The following HDAC4 variants were observed in gnomAD, a reference collection of about 807,000 sequenced individuals.
The protein encoded by HDAC4 is histone deacetylase A.
HDAC4 carries 16 observed loss-of-function variants against 135.1 expected under a neutral mutation model. The observed-to-expected ratio is 0.12, with a 90% CI of 0.08 to 0.18. The LOEUF is 0.18. Among genes scored for constraint, HDAC4 ranks in the 10% least tolerant of loss-of-function variants. The pLI is 1.00. For synonymous variants in HDAC4, 685 were observed against 653.4 expected (o/e 1.05, Z -0.74); for missense variants, 1,143 against 1,511.8 (o/e 0.76, Z 4.05).
chr2:239,174,340 G>A (rs1021235404), intron 5 of HDAC4, among the ~76,000 whole-genome samples: 1 of 152,148 alleles, frequency 6.6e-6, no homozygotes. Flanking sequence ...GGGAGACCTC[G>A]CATCAGAAAA....
At chr2:239,369,731 C>T (rs969158402) in intron 1 of HDAC4, among the ~76,000 whole-genome samples, 3 of 152,136 alleles carry the variant, frequency 2.0e-5, no homozygotes, top group Non-Finnish European at 4.4e-5. Flanking sequence ...CTGGATGACA[C>T]GGCCCATGAC....
chr2:239,261,006 C>T (rs778868931), intron 2 of HDAC4, among the ~76,000 whole-genome samples: 2 of 152,050 alleles, frequency 1.3e-5, no homozygotes, highest in African/African-American at 4.8e-5. Flanking sequence ...CGGCAGTCTC[C>T]GCTCCCCACA....
intron 11 of HDAC4, among the ~76,000 whole-genome samples, chr2:239,129,026 C>A (rs925478944): frequency 2.6e-5 from 4 of 152,210 alleles, no homozygotes; most frequent in Admixed American, 2.0e-4. Flanking sequence ...AGCCTACGCC[C>A]CATTGGAACA....
chr2:239,095,537 T>C (rs531535233), intron 16 of HDAC4, among the ~76,000 whole-genome samples: 14 of 152,116 alleles, frequency 9.2e-5, no homozygotes, highest in Non-Finnish European at 1.5e-4. Context: ...TGAGGCCTCT[T>C]AGACCCTGAG....
intron 1 of HDAC4, among the ~76,000 whole-genome samples, chr2:239,358,991 TGA>T (rs1693693151): frequency 2.0e-5 from 3 of 152,234 alleles, no homozygotes; most frequent in Admixed American, 1.3e-4. Context: ...TATTTCATGT[TGA>T]GTTCCCCACA....
At chr2:239,247,941 G>C (rs1271757626) in intron 2 of HDAC4, among the ~76,000 whole-genome samples, 1 of 152,160 alleles carries the variant, frequency 6.6e-6, no homozygotes, top group Non-Finnish European at 1.5e-5. Flanking sequence ...AGGATCCTTT[G>C]ATGCCAAGTT....
At chr2:239,266,016 C>T (rs2125161730) in intron 2 of HDAC4, among the ~76,000 whole-genome samples, 1 of 152,272 alleles carries the variant, frequency 6.6e-6, no homozygotes, top group African/African-American at 2.4e-5. Flanking sequence ...TGCCCAGCTC[C>T]CCCTCTAAGG....
intron 1 of HDAC4, among the ~76,000 whole-genome samples, chr2:239,364,846 A>G (rs989155224): frequency 3.9e-5 from 6 of 152,254 alleles, no homozygotes; most frequent in African/African-American, 7.2e-5. Flanking sequence ...CAACCAGTAC[A>G]TGTAGGAGAA....
intron 2 of HDAC4, among the ~76,000 whole-genome samples, chr2:239,298,795 T>C (rs973277438): frequency 2.0e-5 from 3 of 151,966 alleles, no homozygotes; most frequent in African/African-American, 7.3e-5. Flanking sequence ...AACTGTGTCA[T>C]ATGATGAACA....
chr2:239,272,070 A>C (rs1559310829), intron 2 of HDAC4, among the ~76,000 whole-genome samples: 1 of 152,210 alleles, frequency 6.6e-6, no homozygotes, highest in Non-Finnish European at 1.5e-5. Flanking sequence ...TTTCCCACGG[A>C]CATTCAATTA....
chr2:239,214,546 C>A (rs1408413311), intron 3 of HDAC4, among the ~76,000 whole-genome samples: 2 of 152,200 alleles, frequency 1.3e-5, no homozygotes, highest in African/African-American at 2.4e-5. Context: ...CGAGATCAGA[C>A]TAGAGGGGCA....
At chr2:239,137,449 C>T (rs964001808) in intron 9 of HDAC4, among the ~76,000 whole-genome samples, 8 of 152,296 alleles carry the variant, frequency 5.3e-5, no homozygotes, top group African/African-American at 1.9e-4. Context: ...CTGGGCTTCC[C>T]TGGCCTGTAG....
intron 2 of HDAC4, among the ~76,000 whole-genome samples, chr2:239,301,383 C>T (rs775498886): frequency 1.3e-5 from 2 of 152,170 alleles, no homozygotes; most frequent in Non-Finnish European, 2.9e-5. Flanking sequence ...AGCAGCAGCC[C>T]ACAGCCAGTG....
chr2:239,296,677 G>A (rs2051913250), intron 2 of HDAC4, among the ~76,000 whole-genome samples: 2 of 152,268 alleles, frequency 1.3e-5, no homozygotes, highest in Admixed American at 1.3e-4. Flanking sequence ...AGGCAGCACT[G>A]CTTAAATGTG....
At chr2:239,124,413 C>T (rs961979185) in intron 12 of HDAC4, among the ~76,000 whole-genome samples, 5 of 152,266 alleles carry the variant, frequency 3.3e-5, no homozygotes, top group Admixed American at 6.5e-5. Context: ...CGCGGCCTCT[C>T]GTGCCTGGCA....
chr2:239,250,004 C>A (rs1042630041), intron 2 of HDAC4, among the ~76,000 whole-genome samples: 5 of 152,128 alleles, frequency 3.3e-5, no homozygotes, highest in African/African-American at 1.2e-4. Flanking sequence ...CCTCCCGCCT[C>A]TGGAAGGAGG....
At chr2:239,063,678 A>G (rs1172081890) in intron 24 of HDAC4, among the ~76,000 whole-genome samples, 1 of 152,014 alleles carries the variant, frequency 6.6e-6, no homozygotes, top group Non-Finnish European at 1.5e-5. Flanking sequence ...TGGCTTGGCC[A>G]GCCCAGCCTC....
At chr2:239,090,329 G>A (rs549897060) in intron 17 of HDAC4, among the ~76,000 whole-genome samples, 14 of 151,930 alleles carry the variant, frequency 9.2e-5, no homozygotes, top group African/African-American at 3.4e-4. Context: ...TTTACCAGAA[G>A]AAAGATGCAT....
intron 5 of HDAC4, among the ~76,000 whole-genome samples, chr2:239,176,085 T>A (rs887292528): frequency 6.6e-6 from 1 of 152,088 alleles, no homozygotes; most frequent in Non-Finnish European, 1.5e-5. Flanking sequence ...TGCCCCTAGA[T>A]CTTTCCCTAC....
Sources: gnomAD v4.1 joint callset for allele counts (sites outside exome capture counted in the v4.1 genomes callset) on GRCh38, gnomAD v4.1.1 for gene constraint, MANE v1.5 for transcripts, NCBI Gene and HGNC (gene_info 2026-07-23, HGNC 2026-07-21) for gene names.